The following TFG variants were observed in gnomAD, a reference collection of about 807,000 sequenced individuals.
TFG encodes the protein protein TFG.
A neutral mutation model predicts 51.4 loss-of-function variants in TFG; 22 were observed. That is an observed-to-expected ratio of 0.43 (90% CI 0.31 to 0.61). TFG has a LOEUF of 0.61. Among genes scored for constraint, TFG ranks in the 20% least tolerant of loss-of-function variants. The pLI, the probability that TFG is intolerant of heterozygous loss-of-function variation, is 0.12. For missense variants in TFG, 419 were observed against 487.7 expected, an observed-to-expected ratio of 0.86 and a Z score of 1.33; for synonymous variants, 187 against 165.6, an observed-to-expected ratio of 1.13 and a Z score of -0.99.
chr3:100,744,601 G>T, intron 6 of TFG: 1 of 353,070 alleles, frequency 2.8e-6, no homozygotes, highest in Non-Finnish European at 5.1e-6. Context: ...CACTGGTGTT[G>T]CACTTAATGT....
intron 5 of TFG, among the ~76,000 whole-genome samples, 183 bp from the exon 6 acceptor site, chr3:100,736,393 T>C (rs997784235): frequency 3.3e-5 from 5 of 152,208 alleles, no homozygotes; most frequent in African/African-American, 1.2e-4. Context: ...AGTTGTAGCT[T>C]TGGATTAAGA....
intron 6 of TFG, chr3:100,744,466 T>C (rs2095129615): frequency 6.0e-6 from 1 of 167,070 alleles, no homozygotes; most frequent in African/African-American, 2.4e-5. Context: ...ATGGTATTTG[T>C]CCCTTTTCTC....
chr3:100,712,597 A>C (rs980749988), intron 1 of TFG, among the ~76,000 whole-genome samples: 1 of 152,092 alleles, frequency 6.6e-6, no homozygotes, highest in Non-Finnish European at 1.5e-5. Context: ...TTAATCCATT[A>C]TTTTTCCCTT....
At chr3:100,730,249 C>CT (rs1559714902) in intron 4 of TFG, among the ~76,000 whole-genome samples, 2 of 152,174 alleles carry the variant, frequency 1.3e-5, no homozygotes, top group African/African-American at 2.4e-5. Context: ...ACATTCTACT[C>CT]TAAGGAATGG....
intron 6 of TFG, among the ~76,000 whole-genome samples, chr3:100,740,081 A>T (rs1296928687): frequency 6.6e-6 from 1 of 152,176 alleles, no homozygotes; most frequent in Non-Finnish European, 1.5e-5. Context: ...ATGTGTCTTG[A>T]GTCGTTTTTT....
At chr3:100,738,284 T>A (rs1434743469) in intron 6 of TFG, among the ~76,000 whole-genome samples, 1 of 152,236 alleles carries the variant, frequency 6.6e-6, no homozygotes, top group African/African-American at 2.4e-5. Flanking sequence ...CTAAAGCAGA[T>A]GTCAGCTGAA....
chr3:100,736,525 G>A (rs371467052), intron 5 of TFG, 51 bp from the exon 6 acceptor site: 49 of 1,587,914 alleles, frequency 3.1e-5, no homozygotes, highest in Non-Finnish European at 4.0e-5. Flanking sequence ...TGAGCTTGCT[G>A]GGGGAAGGCC....
At chr3:100,714,855 G>A (rs1340164735) in intron 2 of TFG, among the ~76,000 whole-genome samples, 1 of 152,186 alleles carries the variant, frequency 6.6e-6, no homozygotes, top group African/African-American at 2.4e-5. Flanking sequence ...TATCTTTATG[G>A]AAATAGGTTT....
intron 2 of TFG, among the ~76,000 whole-genome samples, chr3:100,717,318 A>G (rs994035341): frequency 1.3e-5 from 2 of 152,096 alleles, no homozygotes; most frequent in African/African-American, 2.4e-5. Context: ...GCTTTGTAGT[A>G]TATTTTGAGG....
chr3:100,716,988 T>C (rs2095048163), intron 2 of TFG, among the ~76,000 whole-genome samples: 1 of 152,202 alleles, frequency 6.6e-6, no homozygotes, highest in Admixed American at 6.5e-5. Flanking sequence ...ATTCTGTAAG[T>C]TCTCTTTTCA....
chr3:100,743,235 A>T (rs1288523903), intron 6 of TFG: 1 of 152,116 alleles, frequency 6.6e-6, no homozygotes, highest in Non-Finnish European at 1.5e-5. Context: ...GAATTTTTTT[A>T]AATGTGTTTA....
intron 2 of TFG, among the ~76,000 whole-genome samples, chr3:100,715,782 A>G (rs1051773398): frequency 2.6e-5 from 4 of 151,566 alleles, no homozygotes; most frequent in Middle Eastern, 3.4e-3. Flanking sequence ...GTGCAGTGGC[A>G]TGATTATAGC....
chr3:100,740,650 A>G (rs1338601473), intron 6 of TFG, among the ~76,000 whole-genome samples: 2 of 151,968 alleles, frequency 1.3e-5, no homozygotes, highest in African/African-American at 4.8e-5. Context: ...AACGATACCA[A>G]CCCATTGTCA....
chr3:100,745,596 T>G (rs1576380283), intron 7 of TFG, among the ~76,000 whole-genome samples: 1 of 152,332 alleles, frequency 6.6e-6, no homozygotes, highest in East Asian at 1.9e-4. Flanking sequence ...AATTCCAGTA[T>G]TTTTTACAGT....
At chr3:100,738,728 AAT>A (rs1382229359) in intron 6 of TFG, among the ~76,000 whole-genome samples, 3 of 152,336 alleles carry the variant, frequency 2.0e-5, no homozygotes, top group South Asian at 2.1e-4. Flanking sequence ...TTGTACAATT[AAT>A]ATGTGACATC....
At chr3:100,730,558 C>G (rs1171243105) in intron 4 of TFG, among the ~76,000 whole-genome samples, 1 of 151,884 alleles carries the variant, frequency 6.6e-6, no homozygotes, top group Non-Finnish European at 1.5e-5. Context: ...TTTTAGAAAA[C>G]AAAAACAACA....
At chr3:100,743,289 A>C (rs2149095114) in intron 6 of TFG, 1 of 152,146 alleles carries the variant, frequency 6.6e-6, no homozygotes, top group Middle Eastern at 3.4e-3. Flanking sequence ...AAGCCTTCTA[A>C]TTTTCAAGAA....
intron 1 of TFG, among the ~76,000 whole-genome samples, chr3:100,713,258 G>T (rs1178079372): frequency 1.3e-5 from 2 of 152,164 alleles, no homozygotes; most frequent in Non-Finnish European, 2.9e-5. Flanking sequence ...TTTCTTGGCA[G>T]TTTGGATGTA....
At chr3:100,722,077 G>A (rs1024069707) in intron 3 of TFG, among the ~76,000 whole-genome samples, 2 of 152,168 alleles carry the variant, frequency 1.3e-5, no homozygotes, top group African/African-American at 4.8e-5. Flanking sequence ...CTTGAACCTG[G>A]GAGGTGGAGG....
Sources: gnomAD v4.1 joint callset for allele counts (sites outside exome capture counted in the v4.1 genomes callset) on GRCh38, gnomAD v4.1.1 for gene constraint, MANE v1.5 for transcripts, NCBI Gene and HGNC (gene_info 2026-07-23, HGNC 2026-07-21) for gene names.